KIF6: variants seen among roughly 807,000 people sequenced by gnomAD.
The protein encoded by KIF6 is kinesin family member 6.
In KIF6, 106 loss-of-function variants were observed where a neutral mutation model predicts 112.7. The observed-to-expected ratio is 0.94, with a 90% CI of 0.80 to 1.11. KIF6 has a LOEUF of 1.11. KIF6 is among the 50% of genes least tolerant of loss of function. KIF6 has a pLI of 0.00. For synonymous variants in KIF6, 339 were observed against 339.9 expected, an observed-to-expected ratio of 1.00 and a Z score of 0.03; for missense variants, 929 against 964.0, an observed-to-expected ratio of 0.96 and a Z score of 0.48.
At chr6:39,520,730 T>C (rs1191832839) in intron 13 of KIF6, among the ~76,000 whole-genome samples, 1 of 151,940 alleles carries the variant, frequency 6.6e-6, no homozygotes, top group African/African-American at 2.4e-5. Context: ...ATGACTGAGG[T>C]TCCAATCAAA....
chr6:39,637,263 GC>G (rs1784669075), intron 4 of KIF6, among the ~76,000 whole-genome samples: 1 of 151,922 alleles, frequency 6.6e-6, no homozygotes, highest in Admixed American at 6.6e-5. Flanking sequence ...AATGTCTTTG[GC>G]TCTTTCAGCT....
chr6:39,584,823 A>C, intron 9 of KIF6, 75 bp downstream of exon 9: 10 of 839,174 alleles, frequency 1.2e-5, no homozygotes, highest in Non-Finnish European at 2.0e-5. Flanking sequence ...GTACAGAGCA[A>C]GTGCACCTAC....
chr6:39,479,340 C>T (rs374907230), intron 13 of KIF6, among the ~76,000 whole-genome samples: 61 of 152,230 alleles, frequency 4.0e-4, no homozygotes, highest in African/African-American at 1.4e-3. Flanking sequence ...TATTCCAGCA[C>T]CATTTGTTGA....
intron 13 of KIF6, 119 bp from the exon 14 acceptor site, chr6:39,431,280 C>T (rs755939704): frequency 4.7e-6 from 3 of 632,482 alleles, no homozygotes; most frequent in African/African-American, 1.8e-5. Context: ...AGCAGAGAGA[C>T]TCTGACCAGA....
chr6:39,449,665 C>A (rs1256465975), intron 13 of KIF6, among the ~76,000 whole-genome samples: 2 of 152,148 alleles, frequency 1.3e-5, no homozygotes, highest in African/African-American at 4.8e-5. Context: ...CTAACCTGTC[C>A]TGTTCAGTGC....
intron 3 of KIF6, among the ~76,000 whole-genome samples, chr6:39,669,399 C>T (rs1786672280): frequency 6.6e-6 from 1 of 152,094 alleles, no homozygotes; most frequent in African/African-American, 2.4e-5. Flanking sequence ...TGGATTTATC[C>T]AAGACATAGA....
chr6:39,499,200 T>C (rs1162949451), intron 13 of KIF6, among the ~76,000 whole-genome samples: 2 of 152,108 alleles, frequency 1.3e-5, no homozygotes, highest in Non-Finnish European at 2.9e-5. Flanking sequence ...AGCCAGGTGG[T>C]TAAAACTGCA....
At chr6:39,559,119 T>C (rs6458117) in intron 10 of KIF6, among the ~76,000 whole-genome samples, 78,444 of 152,008 alleles carry the variant, frequency 0.52, 22,927 homozygotes, top group African/African-American at 0.8. Context: ...TGAATGATTT[T>C]AGAGATCTGA....
At chr6:39,365,510 T>C (rs541239545) in intron 16 of KIF6, among the ~76,000 whole-genome samples, 6 of 152,208 alleles carry the variant, frequency 3.9e-5, no homozygotes, top group African/African-American at 1.4e-4. Context: ...TGAGGGTGAC[T>C]CAGTGCCTCG....
At chr6:39,422,723 C>A (rs1251831347) in intron 14 of KIF6, among the ~76,000 whole-genome samples, 1 of 152,174 alleles carries the variant, frequency 6.6e-6, no homozygotes, top group Non-Finnish European at 1.5e-5. Flanking sequence ...TCCTGGCCCA[C>A]CTGCATCTCC....
intron 13 of KIF6, among the ~76,000 whole-genome samples, chr6:39,461,858 C>T (rs1773499146): frequency 1.3e-5 from 2 of 152,054 alleles, no homozygotes; most frequent in South Asian, 2.1e-4. Context: ...AGTGTGTGTA[C>T]CTGTTGACAC....
At chr6:39,688,009 CAGT>C (rs1256873497) in intron 3 of KIF6, among the ~76,000 whole-genome samples, 2 of 152,162 alleles carry the variant, frequency 1.3e-5, no homozygotes, top group East Asian at 3.9e-4. Context: ...CTGCGGCTAG[CAGT>C]AGATTTGTTA....
At chr6:39,512,889 C>A (rs1377186995) in intron 13 of KIF6, among the ~76,000 whole-genome samples, 2 of 152,160 alleles carry the variant, frequency 1.3e-5, no homozygotes, top group African/African-American at 4.8e-5. Context: ...GGAAAGAAAT[C>A]CACTAAAACT....
chr6:39,432,922 TCC>T, intron 13 of KIF6, among the ~76,000 whole-genome samples: 1 of 147,518 alleles, frequency 6.8e-6, no homozygotes, highest in East Asian at 2.0e-4. Flanking sequence ...TCCAAATTGC[TCC>T]CCCCCGCAGG....
chr6:39,341,244 A>G (rs955239896), intron 22 of KIF6, among the ~76,000 whole-genome samples: 3 of 152,070 alleles, frequency 2.0e-5, no homozygotes, highest in Non-Finnish European at 4.4e-5. Context: ...GTGCTTGTCC[A>G]TGATCACCCT....
chr6:39,424,929 G>T (rs1770652391), intron 14 of KIF6, among the ~76,000 whole-genome samples: 1 of 152,196 alleles, frequency 6.6e-6, no homozygotes, highest in Non-Finnish European at 1.5e-5. Flanking sequence ...GAAAAGGATG[G>T]AGGAATTGAG....
chr6:39,545,446 T>C (rs565396440), intron 11 of KIF6, 137 bp downstream of exon 11: 2 of 601,756 alleles, frequency 3.3e-6, no homozygotes, highest in Admixed American at 3.1e-5. Flanking sequence ...AATCATACTA[T>C]TGATTCAAAG....
intron 13 of KIF6, among the ~76,000 whole-genome samples, chr6:39,510,872 C>CAAAAAAAAA (rs1180631310): frequency 8.4e-5 from 2 of 23,856 alleles, no homozygotes; most frequent in Non-Finnish European, 7.4e-5. Context: ...AAATGGGAAG[C>CAAAAAAAAA]AAAAAAAAAA....
Position 39,636,725 on chromosome 6 carries a change from C to G in KIF6, c.400-1767G>C, listed in dbSNP as rs143874032. ...GATATTTTGGCAACATTCTGAGATC[C>G]TGTTTAAACCAACATATTTTTAAAA... On this transcript the variant is annotated intron_variant, in intron 4 of 22. Coordinates refer to ENST00000287152, the MANE Select transcript of KIF6 (RefSeq NM_145027.6). Among the ~76,000 whole-genome samples the G allele has an allele frequency of 2.1e-3, 327 of 152,108 alleles. 3 individuals are homozygous for G. Among genetic ancestry groups the G allele is most frequent in the Middle Eastern group, 3.4e-3 (1 of 294 alleles).
Sources: gnomAD v4.1 joint callset for allele counts (sites outside exome capture counted in the v4.1 genomes callset) on GRCh38, gnomAD v4.1.1 for gene constraint, MANE v1.5 for transcripts, NCBI Gene and HGNC (gene_info 2026-07-23, HGNC 2026-07-21) for gene names.